CRACD: variants seen among roughly 807,000 people sequenced by gnomAD.
CRACD encodes the protein capping protein-inhibiting regulator of actin dynamics.
In CRACD, 56 loss-of-function variants were observed where a neutral mutation model predicts 106.8. The ratio of observed to expected loss-of-function variants is 0.52; its 90% CI spans 0.42 to 0.66. The LOEUF is 0.66. CRACD is among the 30% of genes least tolerant of loss of function. The probability of loss-of-function intolerance (pLI) is 0.00; values close to 1 mark genes in which losing one functional copy is unlikely to be tolerated. For missense variants in CRACD, 1,730 were observed against 1,623.2 expected (o/e 1.07, Z -1.13); for synonymous variants, 754 against 670.8 (o/e 1.12, Z -1.92).
intron 2 of CRACD, among the ~76,000 whole-genome samples, chr4:56,264,965 C>T (rs1284082550): frequency 6.6e-6 from 1 of 152,174 alleles, no homozygotes; most frequent in Non-Finnish European, 1.5e-5. Flanking sequence ...TTCTTCTTTC[C>T]TCTTGTCACT....
intron 2 of CRACD, among the ~76,000 whole-genome samples, chr4:56,249,778 G>A (rs796160115): frequency 2.0e-5 from 3 of 152,220 alleles, no homozygotes; most frequent in African/African-American, 7.2e-5. Flanking sequence ...TTGGTTTCTG[G>A]CCATCTTAGA....
Position 56,315,827 on chromosome 4 carries a change from G to A in CRACD, c.2325G>A (p.Lys775=). ...GCGAGCTCGGGAAGGGTCCGGAGAA[G>A]TCGGAGATGCACCGGGAGCCCGCAG... is the stretch of plus-strand genomic sequence containing the variant. ...GVRELGKGPE[K]SEMHREPADT... is the part of the protein sequence containing the mutation. Residue 775 remains lysine (K), a synonymous_variant, in exon 8 of 11, where the codon AAG becomes AAA. Coordinates refer to ENST00000682029, the MANE Select transcript of CRACD (RefSeq NM_001393381.1). This position sits in a 1 kb window ranked among gnomAD's most constrained non-coding sequence, Gnocchi z 4.1. 1 of 1,614,214 alleles carries A rather than the reference G, an allele frequency of 6.2e-7. No homozygotes were observed. The highest frequency in any genetic ancestry group is 8.5e-7 in the Non-Finnish European group (1 of 1,180,040).
intron 2 of CRACD, among the ~76,000 whole-genome samples, chr4:56,264,939 A>G (rs1289662523): frequency 6.6e-6 from 1 of 152,172 alleles, no homozygotes; most frequent in African/African-American, 2.4e-5. Flanking sequence ...CTTCCCCCAG[A>G]AAAAGAGAAA....
At chr4:56,084,335 T>G (rs899236102) in intron 1 of CRACD, among the ~76,000 whole-genome samples, 5 of 152,196 alleles carry the variant, frequency 3.3e-5, no homozygotes, top group African/African-American at 1.2e-4. Context: ...AAAAAATTCT[T>G]ATATGGATTT....
At chr4:56,313,896 A>C in intron 7 of CRACD, 144 bp from the exon 8 acceptor site, 1 of 1,100,066 alleles carries the variant, frequency 9.1e-7, no homozygotes, top group Non-Finnish European at 1.3e-6. Flanking sequence ...CCGATGCCTG[A>C]GTTTAGCTAT....
chr4:56,276,799 T>C (rs1239313162), intron 3 of CRACD, among the ~76,000 whole-genome samples: 2 of 152,242 alleles, frequency 1.3e-5, no homozygotes, highest in Non-Finnish European at 2.9e-5. Flanking sequence ...AGCTGCCTGA[T>C]TGAGGCTCTG....
chr4:56,251,030 A>T lies in CRACD; in HGVS notation c.-188-21291A>T, dbSNP rs574778853. The stretch of plus-strand genomic sequence containing the variant: ...AGTTCTGGAATTTCCCATGTGATGT[A>T]TGAAGGAGCGCAATATAGTGCTTCC... On this transcript the variant is annotated intron_variant, in intron 2 of 10. Transcript: ENST00000682029. Among the ~76,000 whole-genome samples the T allele has an allele frequency of 4.6e-5, 7 of 152,278 alleles. No individual in the cohort carries two copies. In the South Asian group the frequency reaches 1.5e-3, roughly 32 times the overall value.
intron 1 of CRACD, among the ~76,000 whole-genome samples, chr4:56,087,812 G>A (rs1733280151): frequency 6.6e-6 from 1 of 152,048 alleles, no homozygotes; most frequent in African/African-American, 2.4e-5. Context: ...AGTTACCCAA[G>A]TCACTGAAGC....
intron 2 of CRACD, among the ~76,000 whole-genome samples, chr4:56,202,407 C>T (rs866712889): frequency 3.3e-5 from 5 of 152,098 alleles, no homozygotes; most frequent in South Asian, 2.1e-4. Flanking sequence ...CCATCACACC[C>T]GGCTAATTTT....
At chr4:56,167,180 A>G (rs986028090) in intron 1 of CRACD, among the ~76,000 whole-genome samples, 1 of 152,246 alleles carries the variant, frequency 6.6e-6, no homozygotes, top group African/African-American at 2.4e-5. Flanking sequence ...GAAATTATCA[A>G]TAGATTTATA....
At chr4:56,143,741 T>G (rs1384645640) in intron 1 of CRACD, among the ~76,000 whole-genome samples, 1 of 152,182 alleles carries the variant, frequency 6.6e-6, no homozygotes, top group Non-Finnish European at 1.5e-5. Context: ...GGTGCTATGT[T>G]TTTCATCTTT....
At chr4:56,208,587 C>T (rs957540367) in intron 2 of CRACD, among the ~76,000 whole-genome samples, 3 of 152,168 alleles carry the variant, frequency 2.0e-5, no homozygotes, top group African/African-American at 7.2e-5. Flanking sequence ...CATATATTAA[C>T]AACGTATTCA....
intron 2 of CRACD, among the ~76,000 whole-genome samples, chr4:56,265,812 TTTCTG>T (rs1285804342): frequency 6.6e-6 from 1 of 152,190 alleles, no homozygotes; most frequent in Non-Finnish European, 1.5e-5. Context: ...TCATAGCACA[TTTCTG>T]TTCTTCACTC....
Position 56,315,320 on chromosome 4 carries a change from G to A in CRACD, c.1818G>A (p.Pro606=), listed in dbSNP as rs373944323. Residue 606 remains proline, a synonymous_variant, in exon 8 of 11, where the codon CCG becomes CCA. Transcript: ENST00000682029. This position sits in a 1 kb window ranked among gnomAD's most constrained non-coding sequence, Gnocchi z 4.1. The part of the protein sequence containing the change: ...ILVTGAQLCG[P]AVNLSQIKDT... The stretch of plus-strand genomic sequence containing the variant: ...TCACGGGCGCGCAGCTCTGTGGCCC[G>A]GCAGTCAACCTGAGCCAGATCAAGG... The A allele has an allele frequency of 1.9e-4, 303 of 1,613,712 alleles. No homozygotes were observed. Among genetic ancestry groups the A allele is most frequent in the Non-Finnish European group, 2.2e-4 (256 of 1,179,956 alleles).
At chr4:56,259,895 G>A (rs538546529) in intron 2 of CRACD, among the ~76,000 whole-genome samples, 65 of 152,124 alleles carry the variant, frequency 4.3e-4, no homozygotes, top group Non-Finnish European at 7.8e-4. Context: ...GGGCCTTTTA[G>A]CACTCCTAAG....
Position 56,327,948 on chromosome 4 carries a change from A to C in CRACD, c.*144A>C, listed in dbSNP as rs1349857804. 1.4e-6 allele frequency: 1 copy of C among 714,392 alleles called. No individual in the cohort carries two copies. The highest frequency in any genetic ancestry group is 1.8e-5 in the African/African-American group (1 of 55,872). 44.3% of individuals were successfully genotyped at this position (714,392 alleles called of 1,614,324 possible). A position where few individuals can be genotyped will look rare whatever the true frequency, so the allele number is the denominator to read the frequency against. On this transcript the variant is annotated 3_prime_UTR_variant, in exon 11 of 11. Coordinates refer to ENST00000682029, the MANE Select transcript of CRACD (RefSeq NM_001393381.1). ...GCTCCAAAATAATGTTTAGAAACTG[A>C]ACTGGTGGTGTTCATTGTAAAGAGT...
chr4:56,324,210 G>A lies in CRACD; in HGVS notation c.3485G>A (p.Arg1162Lys). ...AAGAGGCCCGAGACTGCAGTGTCCA[G>A]GCTTGAGCGCAGAGAACAGCTGAAA... is the stretch of plus-strand genomic sequence containing the variant. Reference protein sequence around the residue: ...EEKRPETAVSRLERREQLKKA... With the variant: ...EEKRPETAVSKLERREQLKKA... Residue 1162 changes from arginine to lysine, a missense_variant, in exon 10 of 11, where the codon AGG (arginine) becomes AAG (lysine). Physicochemically the swap from Arg to Lys is conservative, Grantham distance 26 (BLOSUM62 2). This residue lies in a region of CRACD where 89 missense variants were observed against 89.6 expected (regional missense o/e 0.99). Transcript: ENST00000682029. 6.2e-7 allele frequency: 1 copy of A among 1,614,222 alleles called. No homozygotes were observed. Among genetic ancestry groups the A allele is most frequent in the Non-Finnish European group, 8.5e-7 (1 of 1,180,022 alleles).
intron 1 of CRACD, among the ~76,000 whole-genome samples, chr4:56,164,413 C>T (rs943895469): frequency 3.3e-5 from 5 of 152,116 alleles, no homozygotes; most frequent in Admixed American, 1.3e-4. Flanking sequence ...GGATTACAGG[C>T]GTGAGCCACC....
intron 2 of CRACD, among the ~76,000 whole-genome samples, chr4:56,233,281 T>C (rs1216350422): frequency 2.6e-5 from 4 of 152,106 alleles, no homozygotes; most frequent in African/African-American, 9.7e-5. Flanking sequence ...TAAATTTTTA[T>C]TTCATTTTAG....
Sources: gnomAD v4.1 joint callset for allele counts (sites outside exome capture counted in the v4.1 genomes callset) on GRCh38, gnomAD v4.1.1 for gene constraint, gnomAD v4.1.1 regional missense constraint, Gnocchi (gnomAD v3.1) non-coding constraint, MANE v1.5 for transcripts, NCBI Gene and HGNC (gene_info 2026-07-23, HGNC 2026-07-21) for gene names.